Variants in PCMT1 observed in about 807,000 individuals in gnomAD.
PCMT1 encodes the protein protein-L-isoaspartate (D-aspartate) O-methyltransferase.
PCMT1 carries 9 observed loss-of-function variants against 29.2 expected under a neutral mutation model. That is an observed-to-expected ratio of 0.31 (90% confidence interval 0.19 to 0.54). The LOEUF (loss-of-function observed/expected upper bound fraction) is 0.54. PCMT1 is among the 20% of genes least tolerant of loss of function. The pLI is 0.95. For synonymous variants in PCMT1, 98 were observed against 97.5 expected (o/e 1.00, Z -0.03); for missense variants, 184 against 282.2 (o/e 0.65, Z 2.49).
In PCMT1 at chr6:149,810,726, C is replaced by A; in HGVS notation, c.*148C>A. ...CAACACCATCACAGCTTGTTTTGGA[C>A]TTTGTTACACTGTTATTTTCAGCAT... On this transcript the variant is annotated 3_prime_UTR_variant, in exon 8 of 8. Transcript: ENST00000464889. 3 of 859,792 alleles carry A rather than the reference C, an allele frequency of 3.5e-6. No individual in the cohort carries two copies. Among genetic ancestry groups the A allele is most frequent in the South Asian group, 1.6e-5 (1 of 62,286 alleles). 53.3% of individuals were successfully genotyped at this position (859,792 alleles called of 1,614,324 possible).
At chr6:149,807,483 G>C (rs1029746603) in intron 7 of PCMT1, among the ~76,000 whole-genome samples, 1 of 152,132 alleles carries the variant, frequency 6.6e-6, no homozygotes, top group African/African-American at 2.4e-5. Context: ...TGATTCTCCT[G>C]CCTCAGCCTC....
chr6:149,763,395 A>G (rs183064418), intron 1 of PCMT1, among the ~76,000 whole-genome samples: 123 of 151,444 alleles, frequency 8.1e-4, no homozygotes, highest in Non-Finnish European at 1.4e-3. Flanking sequence ...CTTTTAGAAC[A>G]TGGGATCCTG....
intron 1 of PCMT1, among the ~76,000 whole-genome samples, chr6:149,754,225 T>C (rs142374216): frequency 6.6e-6 from 1 of 152,258 alleles, no homozygotes; most frequent in East Asian, 1.9e-4. Context: ...TTTTAAAAAA[T>C]TAACTTAATG....
chr6:149,764,180 T>C (rs1786975413), intron 1 of PCMT1, among the ~76,000 whole-genome samples: 1 of 152,186 alleles, frequency 6.6e-6, no homozygotes, highest in South Asian at 2.1e-4. Flanking sequence ...ACTAAGCTAT[T>C]TGAATATGTT....
chr6:149,750,014 T>TC (rs1356832161), intron 1 of PCMT1, 58 bp downstream of exon 1: 33 of 1,555,664 alleles, frequency 2.1e-5, no homozygotes, highest in Admixed American at 1.9e-5. Flanking sequence ...CTGGACCGGG[T>TC]CCCCCTGGGC....
At chr6:149,750,558 T>G (rs973059091) in intron 1 of PCMT1, among the ~76,000 whole-genome samples, 1 of 151,970 alleles carries the variant, frequency 6.6e-6, no homozygotes, top group Non-Finnish European at 1.5e-5. Context: ...GGCTGTCCAG[T>G]GGAAAGCTCC....
chr6:149,760,576 A>G (rs1278901531), intron 1 of PCMT1, among the ~76,000 whole-genome samples: 1 of 152,088 alleles, frequency 6.6e-6, no homozygotes. Flanking sequence ...GATCTGGGCC[A>G]GGTGTAGTGG....
In PCMT1 at chr6:149,752,041, T is replaced by G. The variant is rs1030919138; in HGVS notation, c.55+2085T>G. On this transcript the variant is annotated intron_variant, in intron 1 of 7. Transcript: ENST00000464889. ...ATACCAGGCTAATTTTTAGGGTTTT[T>G]TTTTTTTTTTTGGTAGTTTATGAGA... is the stretch of plus-strand genomic sequence containing the variant. Among the ~76,000 whole-genome samples the G allele has an allele frequency of 2.7e-5, 4 of 149,982 alleles. No homozygotes were observed. The Admixed American group carries it at 2.7e-4, about 10-fold the overall frequency.
intron 1 of PCMT1, among the ~76,000 whole-genome samples, 162 bp from the exon 2 acceptor site, chr6:149,771,000 G>GAA (rs919469442): frequency 6.9e-6 from 1 of 144,118 alleles, no homozygotes; most frequent in Non-Finnish European, 1.5e-5. Flanking sequence ...CTCTGTCTCA[G>GAA]AAAAAAAAAA....
intron 2 of PCMT1, chr6:149,772,409 A>T: frequency 3.2e-6 from 1 of 316,532 alleles, no homozygotes; most frequent in Non-Finnish European, 6.2e-6. Context: ...TTTTTTTTTA[A>T]GTTGACAGAA....
At chr6:149,804,557 G>A (rs534301098) in intron 7 of PCMT1, among the ~76,000 whole-genome samples, 1 of 152,178 alleles carries the variant, frequency 6.6e-6, no homozygotes, top group African/African-American at 2.4e-5. Context: ...TGTTACCCAG[G>A]CTGTGTAGAG....
At chr6:149,801,723 C>T (rs910229041) in intron 6 of PCMT1, among the ~76,000 whole-genome samples, 1 of 152,170 alleles carries the variant, frequency 6.6e-6, no homozygotes, top group African/African-American at 2.4e-5. Context: ...GCTGGGATCA[C>T]AGGCGTGAGC....
chr6:149,804,722 G>A lies in PCMT1; in HGVS notation c.*37+2306G>A, dbSNP rs142087610. Among the ~76,000 whole-genome samples the A allele has an allele frequency of 7.5e-3, 1,138 of 151,952 alleles. 15 individuals carry two copies. Among genetic ancestry groups the A allele is most frequent in the African/African-American group, 0.025 (1,046 of 41,446 alleles). On this transcript the variant is annotated intron_variant, in intron 7 of 7. Transcript: ENST00000464889. ...TCACCATGTTGGCCAGGCTGGTCTC[G>A]AACTCCTGACCTCAGGTGATCTGCC...
At chr6:149,785,401 CT>C (rs1185005124) in intron 3 of PCMT1, among the ~76,000 whole-genome samples, 87 of 95,928 alleles carry the variant, frequency 9.1e-4, no homozygotes, top group African/African-American at 1.6e-3. Context: ...TTATTCAGTT[CT>C]TTTTTTTTAT....
At position 149,749,777 on chromosome 6, in the gene PCMT1, G is replaced by A. The variant is rs1786223446; in HGVS notation, c.-125G>A. The stretch of plus-strand genomic sequence containing the variant: ...AGCGGCGGCGACGGCAGTAACAGCG[G>A]CAGCTACAGCGGGGACGCGAGCGGG... On this transcript the variant is annotated 5_prime_UTR_variant, in exon 1 of 8. Transcript: ENST00000464889. The A allele has an allele frequency of 3.2e-6, 5 of 1,549,496 alleles. No homozygotes were observed. The African/African-American group carries it at 6.8e-5, about 21-fold the overall frequency.
chr6:149,788,481 T>A (rs944484411), intron 3 of PCMT1, among the ~76,000 whole-genome samples: 20 of 152,350 alleles, frequency 1.3e-4, no homozygotes, highest in African/African-American at 4.6e-4. Context: ...TTGAAAATTT[T>A]TACGAATATG....
At chr6:149,796,660 A>C in intron 6 of PCMT1, 160 bp downstream of exon 6, 1 of 531,552 alleles carries the variant, frequency 1.9e-6, no homozygotes, top group Non-Finnish European at 3.4e-6. Flanking sequence ...TTCATATGCA[A>C]ACAATTGTAT....
At chr6:149,756,512 CTTTTTTTT>C (rs61038108) in intron 1 of PCMT1, among the ~76,000 whole-genome samples, 6 of 74,724 alleles carry the variant, frequency 8.0e-5, no homozygotes, top group African/African-American at 1.6e-4. Context: ...CCATGACTGG[CTTTTTTTT>C]TTTTTTTTTT....
chr6:149,786,604 G>A (rs1308546179), intron 3 of PCMT1, among the ~76,000 whole-genome samples: 1 of 140,698 alleles, frequency 7.1e-6, no homozygotes, highest in Admixed American at 7.0e-5. Context: ...CAGATGGGGC[G>A]GCCGGGCAGA....
Sources: gnomAD v4.1 joint callset for allele counts (sites outside exome capture counted in the v4.1 genomes callset) on GRCh38, gnomAD v4.1.1 for gene constraint, MANE v1.5 for transcripts, NCBI Gene and HGNC (gene_info 2026-07-23, HGNC 2026-07-21) for gene names.